PRKCE: variants seen among roughly 807,000 people sequenced by gnomAD.
PRKCE encodes the protein protein kinase C epsilon, also known as protein kinase C epsilon type.
PRKCE carries 16 observed loss-of-function variants against 85.4 expected under a neutral mutation model. That is an observed-to-expected ratio of 0.19 (90% CI 0.13 to 0.28). The LOEUF is 0.28. Ranked by LOEUF, PRKCE falls within the 10% of genes least tolerant of loss-of-function variation. PRKCE has a pLI of 1.00. For missense variants in PRKCE, 573 were observed against 975.2 expected, an observed-to-expected ratio of 0.59 and a Z score of 5.49; for synonymous variants, 388 against 371.5, an observed-to-expected ratio of 1.04 and a Z score of -0.51.
intron 1 of PRKCE, among the ~76,000 whole-genome samples, chr2:45,725,260 C>T (rs890718504): frequency 3.9e-5 from 6 of 152,112 alleles, no homozygotes; most frequent in Admixed American, 1.3e-4. Context: ...TTTAGCCCAC[C>T]ATTGAGACCT....
At chr2:45,873,860 A>G (rs1257740409) in intron 2 of PRKCE, among the ~76,000 whole-genome samples, 1 of 152,222 alleles carries the variant, frequency 6.6e-6, no homozygotes, top group African/African-American at 2.4e-5. Flanking sequence ...CCGCCCCAAA[A>G]AAACCAACTG....
intron 2 of PRKCE, among the ~76,000 whole-genome samples, chr2:45,917,857 C>A (rs1354907444): frequency 6.6e-6 from 1 of 152,214 alleles, no homozygotes; most frequent in East Asian, 1.9e-4. Flanking sequence ...TCGAGCGCAG[C>A]GCCCGTGGGC....
chr2:45,984,503 G>C lies in PRKCE; in HGVS notation c.694-48G>C, dbSNP rs763518270. 1.9e-6 allele frequency: 3 copies of C among 1,584,022 alleles called. No individual in the cohort carries two copies. The South Asian group carries it at 3.3e-5, about 18-fold the overall frequency. ...GAGAGTTCCGTTGACAAGTCTTCTG[G>C]GGAACTGAGGAGCTCGGTGGTGAAC... On this transcript the variant is annotated intron_variant, in intron 5 of 14. Coordinates refer to ENST00000306156, the MANE Select transcript of PRKCE (RefSeq NM_005400.3).
intron 1 of PRKCE, among the ~76,000 whole-genome samples, chr2:45,723,654 G>T (rs2104483381): frequency 6.6e-6 from 1 of 152,216 alleles, no homozygotes; most frequent in South Asian, 2.1e-4. Context: ...GCCCAGGCTG[G>T]AGTGCAGTGG....
At chr2:46,033,983 G>A (rs1007277209) in intron 10 of PRKCE, among the ~76,000 whole-genome samples, 1 of 152,226 alleles carries the variant, frequency 6.6e-6, no homozygotes, top group Non-Finnish European at 1.5e-5. Context: ...TTTAGAGAAA[G>A]CCGTAGGCTT....
intron 6 of PRKCE, among the ~76,000 whole-genome samples, chr2:45,992,221 T>A (rs1048570842): frequency 6.6e-6 from 1 of 152,138 alleles, no homozygotes; most frequent in Non-Finnish European, 1.5e-5. Flanking sequence ...TGCAGTAACA[T>A]CCACAATGCC....
At position 46,126,002 on chromosome 2, in the gene PRKCE, C is replaced by A. The variant is rs192206793; in HGVS notation, c.1593-19091C>A. 2.0e-5 allele frequency among the ~76,000 whole-genome samples: 3 copies of A among 152,322 alleles called. No individual in the cohort carries two copies. The East Asian group carries it at 5.8e-4, about 29-fold the overall frequency. ...AAGCAGCAGGCTTGGACCGCCAAGC[C>A]AGAGCCCTAATACTCCAACAGGTCA... On this transcript the variant is annotated intron_variant, in intron 11 of 14. Coordinates refer to ENST00000306156, the MANE Select transcript of PRKCE (RefSeq NM_005400.3).
At chr2:45,836,627 G>C (rs997644299) in intron 1 of PRKCE, among the ~76,000 whole-genome samples, 2 of 152,144 alleles carry the variant, frequency 1.3e-5, no homozygotes, top group African/African-American at 4.8e-5. Flanking sequence ...GGGGAGAGGG[G>C]GCATCAGTGA....
chr2:45,662,499 C>G (rs934647551), intron 1 of PRKCE, among the ~76,000 whole-genome samples: 49 of 151,974 alleles, frequency 3.2e-4, no homozygotes, highest in African/African-American at 1.0e-3. Flanking sequence ...TATTAATTTC[C>G]CAGCTGTGAA....
intron 2 of PRKCE, among the ~76,000 whole-genome samples, chr2:45,955,836 C>T (rs1297679655): frequency 6.6e-6 from 1 of 152,072 alleles, no homozygotes; most frequent in African/African-American, 2.4e-5. Context: ...CAGTAAACTT[C>T]ACCTTTTAGC....
chr2:46,019,551 T>C (rs1706460618), intron 10 of PRKCE, among the ~76,000 whole-genome samples: 1 of 152,264 alleles, frequency 6.6e-6, no homozygotes, highest in African/African-American at 2.4e-5. Context: ...AGAAGTGTTA[T>C]TTCAGTTTTA....
rs571886024 is a variant in PRKCE at position 45,880,548 on chromosome 2, C to G, written c.412+37485C>G. On this transcript the variant is annotated intron_variant, in intron 2 of 14. Coordinates refer to ENST00000306156, the MANE Select transcript of PRKCE (RefSeq NM_005400.3). ...TATAACCCTATTTTTTTCTGCTTGG[C>G]ATTTACCTCAATTTGTAATTTTATG... 9.2e-5 allele frequency among the ~76,000 whole-genome samples: 14 copies of G among 151,484 alleles called. No homozygotes were observed. In the South Asian group the frequency reaches 2.9e-3, roughly 31 times the overall value.
Position 46,010,476 on chromosome 2 carries a change from C to T in PRKCE, c.1396C>T (p.His466Tyr). The change falls in exon 10 of 15, where the codon CAC becomes TAC. Residue 466 changes from histidine (H) to tyrosine (Y), a missense_variant. By Grantham distance (83) the His-to-Tyr change is moderately conservative (BLOSUM62 2). This residue lies in a region of PRKCE where 89 missense variants were observed against 154.1 expected (regional missense o/e 0.58). Coordinates refer to ENST00000306156, the MANE Select transcript of PRKCE (RefSeq NM_005400.3). Reference protein sequence around the residue: ...EKRILALARKHPYLTQLYCCF... With the variant: ...EKRILALARKYPYLTQLYCCF... ...GAGGATTTTGGCTCTGGCACGGAAA[C>T]ACCCGTACCTTACCCAACTCTACTG... 1 of 1,599,706 alleles carries T rather than the reference C, an allele frequency of 6.3e-7. No individual in the cohort carries two copies. The highest frequency in any genetic ancestry group is 8.5e-7 in the Non-Finnish European group (1 of 1,179,950).
In PRKCE at chr2:45,670,940, G is replaced by A. The variant is rs538993427; in HGVS notation, c.348+18492G>A. 1.3e-4 allele frequency among the ~76,000 whole-genome samples: 20 copies of A among 152,306 alleles called. No individual in the cohort carries two copies. In the South Asian group the frequency reaches 4.1e-3, roughly 32 times the overall value. ...CCCATCTCTTGAAACCCCTGCAAGT[G>A]GCATTCAACATCAGATAGTGGTGCT... On this transcript the variant is annotated intron_variant, in intron 1 of 14. Transcript: ENST00000306156.
intron 13 of PRKCE, among the ~76,000 whole-genome samples, chr2:46,153,444 G>C (rs77889235): frequency 0.11 from 16,920 of 152,216 alleles, 1,014 homozygotes; most frequent in Non-Finnish European, 0.14. Context: ...GTACTAAATG[G>C]TAACAAGTGC....
intron 2 of PRKCE, among the ~76,000 whole-genome samples, chr2:45,877,988 G>T (rs1694603737): frequency 1.3e-5 from 2 of 152,218 alleles, no homozygotes; most frequent in South Asian, 4.1e-4. Flanking sequence ...CCCTTCCTCA[G>T]TTCCTGTTTC....
At chr2:45,973,665 G>A (rs773634024) in intron 2 of PRKCE, among the ~76,000 whole-genome samples, 4 of 152,176 alleles carry the variant, frequency 2.6e-5, no homozygotes, top group Non-Finnish European at 4.4e-5. Context: ...AGGGCACCCC[G>A]CTGAGACAGC....
intron 1 of PRKCE, among the ~76,000 whole-genome samples, chr2:45,666,524 C>G (rs952883763): frequency 6.6e-6 from 1 of 151,876 alleles, no homozygotes; most frequent in Non-Finnish European, 1.5e-5. Flanking sequence ...CATACCCAAA[C>G]TCTTTCTATC....
intron 11 of PRKCE, among the ~76,000 whole-genome samples, chr2:46,143,377 G>C (rs1457541901): frequency 6.6e-6 from 1 of 152,106 alleles, no homozygotes; most frequent in African/African-American, 2.4e-5. Context: ...CCAGCTGTCA[G>C]CTTCTCAAGG....
Sources: allele counts gnomAD v4.1 joint callset (sites outside exome capture counted in the v4.1 genomes callset), GRCh38; gene constraint gnomAD v4.1.1; regional missense constraint gnomAD v4.1.1; transcripts MANE v1.5; gene names NCBI Gene and HGNC (gene_info 2026-07-23, HGNC 2026-07-21).